The following DPYD variants were observed in gnomAD, a reference collection of about 807,000 sequenced individuals.
DPYD encodes dihydropyrimidine dehydrogenase, also known as dihydropyrimidine dehydrogenase [NADP(+)].
In DPYD, 109 loss-of-function variants were observed where a neutral mutation model predicts 116.2. That is an observed-to-expected ratio of 0.94 (90% CI 0.80 to 1.10). The LOEUF (loss-of-function observed/expected upper bound fraction) is 1.10, where lower values mean the gene tolerates loss of function less well. Among genes scored for constraint, DPYD ranks in the 50% least tolerant of loss-of-function variants. DPYD has a pLI of 0.00. For synonymous variants in DPYD, 440 were observed against 432.0 expected (o/e 1.02, Z -0.23); for missense variants, 1,302 against 1,254.5 (o/e 1.04, Z -0.57).
chr1:97,545,960 T>G, intron 12 of DPYD: 3 of 1,262,280 alleles, frequency 2.4e-6, no homozygotes, highest in Non-Finnish European at 3.5e-6. Context: ...TGCACTTCCT[T>G]GAAGATGAAA....
At chr1:97,546,675 C>G in intron 12 of DPYD, 3 of 1,612,914 alleles carry the variant, frequency 1.9e-6, no homozygotes. Context: ...CATTAATATC[C>G]ATGCCATATC....
intron 14 of DPYD, among the ~76,000 whole-genome samples, chr1:97,425,462 G>A (rs1674810229): frequency 6.6e-6 from 1 of 151,982 alleles, no homozygotes; most frequent in Non-Finnish European, 1.5e-5. Context: ...TAAAAATGAA[G>A]AAAGAAGGGA....
chr1:97,167,118 C>T (rs1317054537), intron 20 of DPYD, among the ~76,000 whole-genome samples: 1 of 151,960 alleles, frequency 6.6e-6, no homozygotes, highest in Non-Finnish European at 1.5e-5. Context: ...TTTCAGTTTT[C>T]CTGGTGGGAA....
intron 5 of DPYD, among the ~76,000 whole-genome samples, chr1:97,699,790 C>A (rs1022249739): frequency 6.6e-6 from 1 of 151,900 alleles, no homozygotes; most frequent in Non-Finnish European, 1.5e-5. Context: ...ATTCCCTACT[C>A]CCACCTAGAG....
At chr1:97,430,591 G>GAAA (rs5776365) in intron 14 of DPYD, among the ~76,000 whole-genome samples, 7 of 148,582 alleles carry the variant, frequency 4.7e-5, no homozygotes, top group African/African-American at 1.7e-4. Flanking sequence ...TCAGTCTTGG[G>GAAA]AAAAAAAAAA....
At chr1:97,898,753 C>T (rs1231771875) in intron 1 of DPYD, among the ~76,000 whole-genome samples, 2 of 151,814 alleles carry the variant, frequency 1.3e-5, no homozygotes, top group African/African-American at 4.8e-5. Flanking sequence ...GGAGGTTTCC[C>T]CACACTGTTT....
chr1:97,578,213 T>C (rs1354335830), intron 10 of DPYD, among the ~76,000 whole-genome samples: 3 of 152,160 alleles, frequency 2.0e-5, no homozygotes, highest in Non-Finnish European at 2.9e-5. Context: ...AAAAGTATTC[T>C]TTTAAGTGCT....
chr1:97,111,793 T>G (rs1200310863), intron 20 of DPYD, among the ~76,000 whole-genome samples: 1 of 152,098 alleles, frequency 6.6e-6, no homozygotes, highest in South Asian at 2.1e-4. Flanking sequence ...ATGAAGGTAC[T>G]GGGTAATTGT....
chr1:97,461,689 T>C (rs1677042376), intron 13 of DPYD, among the ~76,000 whole-genome samples: 1 of 152,228 alleles, frequency 6.6e-6, no homozygotes, highest in Non-Finnish European at 1.5e-5. Context: ...TGAAGTCTGT[T>C]TTCTCATCAT....
intron 20 of DPYD, among the ~76,000 whole-genome samples, chr1:97,129,638 A>T (rs1653124249): frequency 6.6e-6 from 1 of 152,014 alleles, no homozygotes; most frequent in Non-Finnish European, 1.5e-5. Flanking sequence ...CTGATCTCAC[A>T]TGGCCTATTC....
At chr1:97,525,294 T>G (rs759348452) in intron 12 of DPYD, among the ~76,000 whole-genome samples, 20 of 152,022 alleles carry the variant, frequency 1.3e-4, no homozygotes, top group Non-Finnish European at 2.8e-4. Context: ...TCAAAACTCA[T>G]CAAATGGTAT....
chr1:97,240,123 C>A (rs1163412265), intron 18 of DPYD, among the ~76,000 whole-genome samples: 1 of 151,968 alleles, frequency 6.6e-6, no homozygotes, highest in Non-Finnish European at 1.5e-5. Flanking sequence ...CCATACATGT[C>A]CCCTCCTTTT....
chr1:97,095,176 T>G (rs1650156625), intron 21 of DPYD, among the ~76,000 whole-genome samples: 2 of 152,168 alleles, frequency 1.3e-5, no homozygotes, highest in African/African-American at 4.8e-5. Flanking sequence ...AAATAATTAC[T>G]TACGGCATAA....
At chr1:97,766,044 G>A (rs188356131) in intron 3 of DPYD, among the ~76,000 whole-genome samples, 3 of 152,172 alleles carry the variant, frequency 2.0e-5, no homozygotes, top group African/African-American at 7.2e-5. Flanking sequence ...AGGAGTTCAA[G>A]ACCAGCCTGA....
At chr1:97,602,767 G>A (rs1655340820) in intron 8 of DPYD, among the ~76,000 whole-genome samples, 2 of 151,610 alleles carry the variant, frequency 1.3e-5, no homozygotes, top group South Asian at 4.2e-4. Context: ...GACACAATGA[G>A]AACAACAAAC....
At chr1:97,488,973 C>A (rs1055779999) in intron 13 of DPYD, among the ~76,000 whole-genome samples, 1 of 152,214 alleles carries the variant, frequency 6.6e-6, no homozygotes, top group African/African-American at 2.4e-5. Flanking sequence ...TATGCTGCCG[C>A]TTCAGTAAAA....
chr1:97,756,504 C>G (rs1665249103), intron 3 of DPYD, among the ~76,000 whole-genome samples: 1 of 152,064 alleles, frequency 6.6e-6, no homozygotes, highest in Non-Finnish European at 1.5e-5. Flanking sequence ...AAAATTTCTG[C>G]TTTAATTAAA....
chr1:97,216,032 G>T (rs137911566), intron 19 of DPYD, among the ~76,000 whole-genome samples: 23 of 152,258 alleles, frequency 1.5e-4, no homozygotes, highest in African/African-American at 5.3e-4. Context: ...ACTGATAAGT[G>T]ATTTTTACTT....
At chr1:97,168,594 T>C (rs1225731386) in intron 20 of DPYD, among the ~76,000 whole-genome samples, 2 of 152,212 alleles carry the variant, frequency 1.3e-5, no homozygotes, top group Non-Finnish European at 2.9e-5. Context: ...TGAATTTTCA[T>C]TCTCCCTATC....
Sources: allele counts gnomAD v4.1 joint callset (sites outside exome capture counted in the v4.1 genomes callset), GRCh38; gene constraint gnomAD v4.1.1; transcripts MANE v1.5; gene names NCBI Gene and HGNC (gene_info 2026-07-23, HGNC 2026-07-21).